Variants in CCSER1 observed in about 807,000 individuals in gnomAD.
CCSER1 encodes serine-rich coiled-coil domain-containing protein 1.
CCSER1 carries 41 observed loss-of-function variants against 82.0 expected under a neutral mutation model. The ratio of observed to expected loss-of-function variants is 0.50; its 90% CI spans 0.39 to 0.65. CCSER1 has a LOEUF of 0.65. Among genes scored for constraint, CCSER1 ranks in the 30% least tolerant of loss-of-function variants. CCSER1 has a pLI of 0.00. For synonymous variants in CCSER1, 414 were observed against 383.9 expected, an observed-to-expected ratio of 1.08 and a Z score of -0.92; for missense variants, 1,119 against 1,064.2, an observed-to-expected ratio of 1.05 and a Z score of -0.72.
chr4:91,482,264 C>T (rs1289656375), intron 10 of CCSER1, among the ~76,000 whole-genome samples: 9 of 110,990 alleles, frequency 8.1e-5, no homozygotes, highest in Admixed American at 1.8e-4. Context: ...TAGCCGGGCG[C>T]GGTGGCAGGC....
chr4:90,510,224 C>G (rs575622235), intron 5 of CCSER1, among the ~76,000 whole-genome samples: 3 of 152,190 alleles, frequency 2.0e-5, no homozygotes, highest in African/African-American at 7.2e-5. Flanking sequence ...AAACTCTATT[C>G]TTTTAGGTAT....
intron 9 of CCSER1, among the ~76,000 whole-genome samples, chr4:91,078,619 A>G (rs1722300005): frequency 6.6e-6 from 1 of 152,194 alleles, no homozygotes; most frequent in Non-Finnish European, 1.5e-5. Context: ...AAGACTGGTA[A>G]TAACAAACTT....
At chr4:90,191,983 C>T (rs1735712728) in intron 1 of CCSER1, among the ~76,000 whole-genome samples, 2 of 152,000 alleles carry the variant, frequency 1.3e-5, no homozygotes, top group South Asian at 4.1e-4. Flanking sequence ...ATATAAAAGA[C>T]TTCATACTAA....
chr4:91,215,826 G>T (rs1269166465), intron 10 of CCSER1, among the ~76,000 whole-genome samples: 1 of 152,122 alleles, frequency 6.6e-6, no homozygotes, highest in Non-Finnish European at 1.5e-5. Flanking sequence ...ACCCAATGAT[G>T]ATCTATGCTA....
chr4:91,500,189 CATT>C (rs1415216879), intron 10 of CCSER1, among the ~76,000 whole-genome samples: 5 of 151,932 alleles, frequency 3.3e-5, no homozygotes, highest in African/African-American at 7.2e-5. Flanking sequence ...AGTAGTATCT[CATT>C]GTTGTTTCAA....
At chr4:91,049,173 A>G (rs1164131573) in intron 9 of CCSER1, among the ~76,000 whole-genome samples, 1 of 152,192 alleles carries the variant, frequency 6.6e-6, no homozygotes, top group Admixed American at 6.5e-5. Flanking sequence ...AAAATAAGCA[A>G]TGAAGATATG....
chr4:90,763,480 G>T (rs970181188), intron 7 of CCSER1, among the ~76,000 whole-genome samples: 31 of 152,072 alleles, frequency 2.0e-4, no homozygotes, highest in African/African-American at 7.0e-4. Context: ...AGTGATGGTA[G>T]GAAGTATAAC....
intron 6 of CCSER1, among the ~76,000 whole-genome samples, chr4:90,722,483 G>C (rs1353570050): frequency 6.6e-6 from 1 of 151,798 alleles, no homozygotes; most frequent in Non-Finnish European, 1.5e-5. Flanking sequence ...CAGAGAGCGA[G>C]AGTCAGCAAT....
chr4:91,333,620 T>C (rs2149279104), intron 10 of CCSER1, among the ~76,000 whole-genome samples: 1 of 152,172 alleles, frequency 6.6e-6, no homozygotes, highest in Non-Finnish European at 1.5e-5. Flanking sequence ...AGAACACCTC[T>C]TCTGGCTGTA....
intron 10 of CCSER1, among the ~76,000 whole-genome samples, chr4:91,378,951 T>C (rs1225440350): frequency 6.6e-6 from 1 of 152,232 alleles, no homozygotes; most frequent in African/African-American, 2.4e-5. Flanking sequence ...TTGAGAGTTT[T>C]TAGCATGAAG....
rs534873734 is a variant in CCSER1 at position 90,280,185 on chromosome 4, G to T, written c.-41-28059G>T. ...TCTGATTAAAGTCTTTTCCATATCT[G>T]ATTTCAAGAACCTATAGACTGAAGT... On this transcript the variant is annotated intron_variant, in intron 1 of 10. Transcript: ENST00000509176. 2.4e-4 allele frequency among the ~76,000 whole-genome samples: 36 copies of T among 152,054 alleles called. No homozygotes were observed. The South Asian group carries it at 7.5e-3, about 32-fold the overall frequency.
intron 3 of CCSER1, 27 bp from the exon 4 acceptor site, chr4:90,400,009 T>C: frequency 1.4e-6 from 2 of 1,385,046 alleles, no homozygotes; most frequent in East Asian, 2.3e-5. Context: ...TTTTGGTTTC[T>C]AATTGTTGGT....
chr4:91,453,192 A>T lies in CCSER1; in HGVS notation c.2218-145380A>T, dbSNP rs58012222. Among the ~76,000 whole-genome samples the T allele has an allele frequency of 6.9e-3, 1,053 of 152,138 alleles. 11 individuals carry two copies. Among genetic ancestry groups the T allele is most frequent in the African/African-American group, 0.024 (993 of 41,532 alleles). On this transcript the variant is annotated intron_variant, in intron 10 of 10. Transcript: ENST00000509176. ...TGGTGATTCTGTAAATTTTGTAAATAACTATCCTTATACTTTCTAGCATTT... is the reference window on the plus strand; with the variant it reads ...TGGTGATTCTGTAAATTTTGTAAATTACTATCCTTATACTTTCTAGCATTT...
At chr4:90,918,634 G>GATATATATATATATATAT (rs1363853552) in intron 8 of CCSER1, among the ~76,000 whole-genome samples, 348 of 148,884 alleles carry the variant, frequency 2.3e-3, no homozygotes, top group East Asian at 0.01. Context: ...GCTCATTCAA[G>GATATATATATATATATAT]AGAGATATAT....
chr4:90,884,680 C>G (rs1219944716), intron 8 of CCSER1, among the ~76,000 whole-genome samples: 2 of 152,028 alleles, frequency 1.3e-5, no homozygotes, highest in African/African-American at 4.8e-5. Flanking sequence ...TTTCTATAAG[C>G]TTGAAATATT....
rs189217049 is a variant in CCSER1, at chr4:91,318,736, G to C, written c.2217+232742G>C. On this transcript the variant is annotated intron_variant, in intron 10 of 10. Transcript: ENST00000509176. ...TCATAACTTTTTATATGTTGTTTCT[G>C]TCCAAATGTCCAAATACAGTGAATA... Among the ~76,000 whole-genome samples, 24 of 151,962 alleles carry C rather than the reference G, an allele frequency of 1.6e-4. No homozygotes were observed. In the East Asian group the frequency reaches 4.6e-3, roughly 29 times the overall value.
rs563349927 is a variant in CCSER1, at chr4:91,254,223, T to A, written c.2217+168229T>A. ...AAACCAAATAGATCTAACAGACGTATACACAGAAGACTTTACTCGACAACA... is the reference window on the plus strand; with the variant it reads ...AAACCAAATAGATCTAACAGACGTAAACACAGAAGACTTTACTCGACAACA... On this transcript the variant is annotated intron_variant, in intron 10 of 10. Transcript: ENST00000509176. Among the ~76,000 whole-genome samples the A allele has an allele frequency of 4.6e-5, 7 of 152,286 alleles. No homozygotes were observed. In the South Asian group the frequency reaches 1.2e-3, roughly 27 times the overall value.
intron 4 of CCSER1, among the ~76,000 whole-genome samples, chr4:90,408,779 G>A (rs111722911): frequency 0.034 from 5,141 of 152,316 alleles, 175 homozygotes; most frequent in African/African-American, 0.089. Flanking sequence ...AAAGCTGGAC[G>A]GACAATGACT....
chr4:91,073,915 A>C (rs954763663), intron 9 of CCSER1, among the ~76,000 whole-genome samples: 1 of 152,166 alleles, frequency 6.6e-6, no homozygotes, highest in East Asian at 1.9e-4. Context: ...ATAATCATCA[A>C]TTTTTTACCA....
Sources: gnomAD v4.1 joint callset for allele counts (sites outside exome capture counted in the v4.1 genomes callset) on GRCh38, gnomAD v4.1.1 for gene constraint, MANE v1.5 for transcripts, NCBI Gene and HGNC (gene_info 2026-07-23, HGNC 2026-07-21) for gene names.